Variants in PTPRN2 observed in about 807,000 individuals in gnomAD.
PTPRN2 encodes the protein receptor-type tyrosine-protein phosphatase N2.
A neutral mutation model predicts 118.8 loss-of-function variants in PTPRN2; 74 were observed. The observed-to-expected ratio is 0.62, with a 90% confidence interval of 0.52 to 0.76. PTPRN2 has a LOEUF of 0.76. Among genes scored for constraint, PTPRN2 ranks in the 30% least tolerant of loss-of-function variants. The pLI is 0.00. For missense variants in PTPRN2, 1,481 were observed against 1,394.4 expected (o/e 1.06, Z -0.99); for synonymous variants, 641 against 608.0 (o/e 1.05, Z -0.80).
At chr7:158,151,505 T>TC in intron 6 of PTPRN2, among the ~76,000 whole-genome samples, 1 of 149,494 alleles carries the variant, frequency 6.7e-6, no homozygotes, top group Non-Finnish European at 1.5e-5. Context: ...CCGCCCGCCT[T>TC]TCTGCTCCTC....
Position 158,114,827 on chromosome 7 carries a change from C to T in PTPRN2, c.1557-3912G>A, listed in dbSNP as rs117618045. Among the ~76,000 whole-genome samples the T allele has an allele frequency of 5.1e-3, 775 of 152,244 alleles. 21 individuals carry two copies. The East Asian group carries it at 0.061, about 12-fold the overall frequency. ...CGTGTTACTAGTCTAAGGCACAGAG[C>T]GCGAGAGGCAGACGCAGGGATGGAA... On this transcript the variant is annotated intron_variant, in intron 9 of 22. Transcript: ENST00000389418.
chr7:157,928,338 C>T (rs1207757283), intron 11 of PTPRN2, among the ~76,000 whole-genome samples: 2 of 152,180 alleles, frequency 1.3e-5, no homozygotes, highest in Non-Finnish European at 2.9e-5. Context: ...GGAGATCCCA[C>T]AGCCAGCAGG....
At chr7:158,545,049 G>T (rs561681036) in intron 1 of PTPRN2, among the ~76,000 whole-genome samples, 27 of 152,332 alleles carry the variant, frequency 1.8e-4, no homozygotes, top group African/African-American at 5.8e-4. Context: ...CTCCAGCCCA[G>T]CCCCACCCAC....
intron 12 of PTPRN2, among the ~76,000 whole-genome samples, chr7:157,839,503 CTA>C (rs1224459275): frequency 1.3e-5 from 2 of 148,162 alleles, no homozygotes; most frequent in African/African-American, 5.0e-5. Flanking sequence ...GTGGCTGTGT[CTA>C]TGTGTCTGTC....
At chr7:157,886,643 C>G (rs940758156) in intron 12 of PTPRN2, among the ~76,000 whole-genome samples, 4 of 152,226 alleles carry the variant, frequency 2.6e-5, no homozygotes, top group African/African-American at 9.6e-5. Context: ...GTCAATACGT[C>G]AAGTGCAGTT....
At chr7:158,444,633 T>C (rs1817602360) in intron 2 of PTPRN2, among the ~76,000 whole-genome samples, 1 of 152,072 alleles carries the variant, frequency 6.6e-6, no homozygotes, top group Admixed American at 6.5e-5. Context: ...AGTGAAAGCC[T>C]CGGACCGTGC....
chr7:158,418,115 C>T (rs140704286), intron 2 of PTPRN2, among the ~76,000 whole-genome samples: 1,898 of 149,598 alleles, frequency 0.013, 18 homozygotes, highest in Non-Finnish European at 0.019. Flanking sequence ...TGTACTACAT[C>T]GAGATGCTCC....
At chr7:157,548,397 C>T (rs895200550) in intron 22 of PTPRN2, among the ~76,000 whole-genome samples, 3 of 152,172 alleles carry the variant, frequency 2.0e-5, no homozygotes, top group Non-Finnish European at 4.4e-5. Context: ...GCCTCAGGGC[C>T]AGAGAGACCA....
intron 11 of PTPRN2, among the ~76,000 whole-genome samples, chr7:157,899,682 G>A (rs566744589): frequency 3.9e-5 from 6 of 152,254 alleles, no homozygotes; most frequent in African/African-American, 1.4e-4. Context: ...TTTCGGAGAG[G>A]GACGCGATGA....
chr7:157,859,613 A>C (rs1312312999), intron 12 of PTPRN2, among the ~76,000 whole-genome samples: 1 of 25,722 alleles, frequency 3.9e-5, no homozygotes, highest in Non-Finnish European at 6.9e-5. Context: ...AGAGCCCCCC[A>C]GCCACCACCC....
chr7:158,079,843 T>C (rs1812659071), intron 11 of PTPRN2, among the ~76,000 whole-genome samples: 1 of 152,220 alleles, frequency 6.6e-6, no homozygotes, highest in Non-Finnish European at 1.5e-5. Flanking sequence ...GGGACCGCAC[T>C]GGACCGCCCA....
At chr7:158,343,836 C>G (rs1341699701) in intron 2 of PTPRN2, among the ~76,000 whole-genome samples, 1 of 152,236 alleles carries the variant, frequency 6.6e-6, no homozygotes, top group Non-Finnish European at 1.5e-5. Flanking sequence ...CGTGGGCTGT[C>G]GCGGCTGCTC....
chr7:158,169,393 C>A (rs1443077959), intron 5 of PTPRN2, among the ~76,000 whole-genome samples: 1 of 151,038 alleles, frequency 6.6e-6, no homozygotes, highest in Non-Finnish European at 1.5e-5. Context: ...CAGGAACACA[C>A]CACCATACCT....
intron 2 of PTPRN2, among the ~76,000 whole-genome samples, chr7:158,342,305 T>G (rs1183203896): frequency 7.4e-6 from 1 of 134,670 alleles, no homozygotes; most frequent in Non-Finnish European, 1.6e-5. Flanking sequence ...CCCGCAGACG[T>G]CACTCACACC....
chr7:158,095,352 T>C (rs961792328), intron 10 of PTPRN2, among the ~76,000 whole-genome samples: 12 of 151,898 alleles, frequency 7.9e-5, no homozygotes, highest in Admixed American at 5.9e-4. Context: ...TCTAACTTGT[T>C]CATGTGTTTA....
chr7:157,938,861 C>A (rs1439991691), intron 11 of PTPRN2, among the ~76,000 whole-genome samples: 1 of 152,182 alleles, frequency 6.6e-6, no homozygotes, highest in African/African-American at 2.4e-5. Flanking sequence ...CCGGAGTGGC[C>A]CACAGAAAAC....
At chr7:158,155,808 C>CACCATCATCAT (rs1821768825) in intron 6 of PTPRN2, among the ~76,000 whole-genome samples, 1 of 44,376 alleles carries the variant, frequency 2.3e-5, no homozygotes, top group Non-Finnish European at 6.1e-5. Context: ...ATCATCATCA[C>CACCATCATCAT]CACCATCATC....
intron 2 of PTPRN2, among the ~76,000 whole-genome samples, chr7:158,459,981 G>A (rs1818858281): frequency 2.0e-5 from 1 of 50,260 alleles, no homozygotes; most frequent in Non-Finnish European, 4.0e-5. Flanking sequence ...GGGTCATCCA[G>A]CTGCAGGATG....
chr7:158,301,295 C>T (rs1800870127), intron 3 of PTPRN2, among the ~76,000 whole-genome samples: 1 of 152,198 alleles, frequency 6.6e-6, no homozygotes, highest in South Asian at 2.1e-4. Context: ...ACTCAGCTGT[C>T]CCGAGGCTCT....
Sources: gnomAD v4.1 joint callset for allele counts (sites outside exome capture counted in the v4.1 genomes callset) on GRCh38, gnomAD v4.1.1 for gene constraint, MANE v1.5 for transcripts, NCBI Gene and HGNC (gene_info 2026-07-23, HGNC 2026-07-21) for gene names.